The following LONP1 variants were observed in gnomAD, a reference collection of about 807,000 sequenced individuals.
LONP1 encodes lon peptidase 1, mitochondrial.
In LONP1, 31 loss-of-function variants were observed where a neutral mutation model predicts 98.5. The observed-to-expected ratio is 0.31, with a 90% CI of 0.24 to 0.42. LONP1 has a LOEUF of 0.42. LONP1 is among the 20% of genes least tolerant of loss of function. LONP1 has a pLI of 1.00. For synonymous variants in LONP1, 781 were observed against 594.7 expected (o/e 1.31, Z -4.56); for missense variants, 1,336 against 1,350.6 (o/e 0.99, Z 0.17).
Position 5,694,715 on chromosome 19 carries a change from T to C in LONP1, c.2154+46A>G, listed in dbSNP as rs370868054. ...GAAAGGTGGGGTGATCAGCGTGGGA[T>C]GGTGAGGTGGGCGGCAGGTGCCAGG... is the stretch of plus-strand genomic sequence containing the variant. On this transcript the variant is annotated intron_variant, in intron 14 of 17. Transcript: ENST00000360614. 16 of 1,573,128 alleles carry C rather than the reference T, an allele frequency of 1.0e-5. No individual in the cohort carries two copies. The African/African-American group carries it at 1.8e-4, about 17-fold the overall frequency.
intron 15 of LONP1, 76 bp downstream of exon 15, chr19:5,694,311 T>C: frequency 6.4e-7 from 1 of 1,571,410 alleles, no homozygotes; most frequent in Admixed American, 1.7e-5. Flanking sequence ...ACTGCACAGG[T>C]GTACAAGGTG....
chr19:5,694,128 T>G (rs1318539719), intron 15 of LONP1, among the ~76,000 whole-genome samples: 2 of 152,152 alleles, frequency 1.3e-5, no homozygotes, highest in Non-Finnish European at 2.9e-5. Flanking sequence ...CCAAGGCCCA[T>G]CTGGATGAGC....
intron 7 of LONP1, 30 bp from the exon 8 acceptor site, chr19:5,706,022 T>C (rs769624080): frequency 6.9e-7 from 1 of 1,452,444 alleles, no homozygotes; most frequent in Middle Eastern, 1.8e-4. Context: ...CATCAGGCCC[T>C]GGCTCCGGGA....
chr19:5,698,269 G>T (rs549185279), intron 10 of LONP1, among the ~76,000 whole-genome samples: 50 of 152,300 alleles, frequency 3.3e-4, no homozygotes, highest in African/African-American at 1.1e-3. Flanking sequence ...AGCTGGGGAT[G>T]TTTTTAGAGA....
chr19:5,716,064 C>T (rs935438677), intron 1 of LONP1, among the ~76,000 whole-genome samples: 4 of 150,906 alleles, frequency 2.7e-5, no homozygotes, highest in Non-Finnish European at 4.4e-5. Context: ...CTGGACAGAC[C>T]CTGATTAAAG....
rs2055146960 is a variant in LONP1 at position 5,706,464 on chromosome 19, C to T, written c.1147-472G>A. On this transcript the variant is annotated intron_variant, in intron 7 of 17. Coordinates refer to ENST00000360614, the MANE Select transcript of LONP1 (RefSeq NM_004793.4). Reference sequence around the variant, plus strand: ...TCTCTACTAAAATACAAAAATTAGCCGGTGTGGTATTGCACGCCTGTAATC... The same window carrying T: ...TCTCTACTAAAATACAAAAATTAGCTGGTGTGGTATTGCACGCCTGTAATC... Among the ~76,000 whole-genome samples the T allele has an allele frequency of 3.9e-5, 6 of 151,976 alleles. No individual in the cohort carries two copies. The South Asian group carries it at 1.0e-3, about 26-fold the overall frequency.
At chr19:5,696,842 A>C in intron 10 of LONP1, 85 bp from the exon 11 acceptor site, 1 of 852,804 alleles carries the variant, frequency 1.2e-6, no homozygotes, top group Non-Finnish European at 1.9e-6. Context: ...GCCACAGGGG[A>C]GAGGCCACCT....
At chr19:5,708,317 G>A (rs1311931649) in intron 5 of LONP1, 25 bp downstream of exon 5, 2 of 1,590,416 alleles carry the variant, frequency 1.3e-6, no homozygotes, top group African/African-American at 1.4e-5. Context: ...CCCCCGCCTG[G>A]CCAGCTGCCC....
intron 10 of LONP1, among the ~76,000 whole-genome samples, chr19:5,697,864 A>AACCCCGCC (rs1232352721): frequency 1.3e-5 from 2 of 151,860 alleles, no homozygotes; most frequent in Non-Finnish European, 2.9e-5. Context: ...GCTTGTTCAG[A>AACCCCGCC]ACCCCGCCAG....
rs754069779 is a variant in LONP1, at chr19:5,693,559, A to G, written c.2531T>C (p.Val844Ala). The G allele has an allele frequency of 1.9e-6, 3 of 1,614,054 alleles. No individual in the cohort carries two copies. The highest frequency in any genetic ancestry group is 1.7e-6 in the Non-Finnish European group (2 of 1,179,996). ...YLVTSHIHLHVPEGATPKDGP... is the reference protein window; with the variant it reads ...YLVTSHIHLHAPEGATPKDGP... ...AGCGGATGGCGCGGTCACCTCGGGC[A>G]CATGCAGGTGGATGTGTGAGGTCAC... Residue 844 changes from valine to alanine, a missense_variant, in exon 16 of 18, where the codon GTG becomes GCG. Physicochemically the swap from Val to Ala is moderately conservative, Grantham distance 64. Around this residue, in one of 5 missense-constraint regions of LONP1, gnomAD observed 555 missense variants for 542.6 expected, o/e 1.02. Coordinates refer to ENST00000360614, the MANE Select transcript of LONP1 (RefSeq NM_004793.4).
chr19:5,713,013 G>A, intron 3 of LONP1, 121 bp downstream of exon 3: 3 of 1,410,710 alleles, frequency 2.1e-6, no homozygotes, highest in Non-Finnish European at 2.0e-6. Flanking sequence ...CTCAGTGCTA[G>A]TGAGAAAGCC....
chr19:5,696,141 C>G lies in LONP1; in HGVS notation c.1926G>C (p.Thr642=). 5.0e-6 allele frequency: 8 copies of G among 1,612,916 alleles called. No individual in the cohort carries two copies. The highest frequency in any genetic ancestry group is 6.8e-6 in the Non-Finnish European group (8 of 1,179,886). The stretch of plus-strand genomic sequence containing the variant: ...CTCGCAGCGGCTCGGGGATGGTGTC[C>G]GTGACGTTGGCCGTGCAGATGAACA... ...KVLFICTANV[T]DTIPEPLRDR... The change falls in exon 13 of 18, where the codon ACG becomes ACC. Residue 642 remains threonine, a synonymous_variant. Transcript: ENST00000360614.
At chr19:5,718,263 A>T (rs1405286393) in intron 1 of LONP1, among the ~76,000 whole-genome samples, 5 of 151,920 alleles carry the variant, frequency 3.3e-5, no homozygotes, top group Non-Finnish European at 7.4e-5. Context: ...GAATCACTTG[A>T]GGTCAGGAGT....
chr19:5,694,443 C>G lies in LONP1; in HGVS notation c.2264G>C (p.Arg755Pro). Residue 755 changes from arginine (R) to proline (P), a missense_variant, in exon 15 of 18, where the codon CGC becomes CCC. Around this residue, in one of 5 missense-constraint regions of LONP1, gnomAD observed 555 missense variants for 542.6 expected, o/e 1.02. Coordinates refer to ENST00000360614, the MANE Select transcript of LONP1 (RefSeq NM_004793.4). ...GCCGGGCGGTGTCACGTCATACATG[C>G]GCTCCACGGTGAACACGGGCTTCCC... ...FVGKPVFTVE[R>P]MYDVTPPGVV... 6.2e-7 allele frequency: 1 copy of G among 1,613,512 alleles called. No homozygotes were observed. The highest frequency in any genetic ancestry group is 8.5e-7 in the Non-Finnish European group (1 of 1,180,016).
chr19:5,711,008 C>T (rs2055227715), intron 4 of LONP1, among the ~76,000 whole-genome samples: 2 of 151,366 alleles, frequency 1.3e-5, no homozygotes, highest in African/African-American at 4.9e-5. Flanking sequence ...CCTGGGTTGA[C>T]AGAGCCAGAC....
At position 5,696,083 on chromosome 19, in the gene LONP1, C is replaced by T. The variant is rs201498076; in HGVS notation, c.1984G>A (p.Val662Met). 13 of 1,612,818 alleles carry T rather than the reference C, an allele frequency of 8.1e-6. No homozygotes were observed. The East Asian group carries it at 1.1e-4, about 14-fold the overall frequency. The change falls in exon 13 of 18, where the codon GTG becomes ATG. Residue 662 changes from valine to methionine, a missense_variant. Coordinates refer to ENST00000360614, the MANE Select transcript of LONP1 (RefSeq NM_004793.4). ...RMEMINVSGY[V>M]AQEKLAIAER... Reference sequence around the variant, plus strand: ...GCAATGGCCAGCTTCTCCTGGGCCACGTAGCCCGACACGTTGATCATCTCC... The same window carrying T: ...GCAATGGCCAGCTTCTCCTGGGCCATGTAGCCCGACACGTTGATCATCTCC...
upstream of LONP1, chr19:5,720,332 G>T (rs1022040352): frequency 1.9e-5 from 15 of 777,558 alleles, no homozygotes; most frequent in Non-Finnish European, 2.1e-5. Flanking sequence ...CCCACTTTAT[G>T]CGCTGAAGGC....
chr19:5,708,454 G>A, intron 4 of LONP1, 51 bp from the exon 5 acceptor site: 1 of 1,288,636 alleles, frequency 7.8e-7, no homozygotes, highest in Non-Finnish European at 1.1e-6. Flanking sequence ...TCCAGCAGGG[G>A]GTGGGCTGGG....
At chr19:5,715,333 C>CTTTT (rs554066832) in intron 1 of LONP1, among the ~76,000 whole-genome samples, 1 of 138,230 alleles carries the variant, frequency 7.2e-6, no homozygotes, top group Non-Finnish European at 1.6e-5. Context: ...TGATAACTTC[C>CTTTT]TTTTTTTTTT....
Sources: allele counts gnomAD v4.1 joint callset (sites outside exome capture counted in the v4.1 genomes callset), GRCh38; gene constraint gnomAD v4.1.1; regional missense constraint gnomAD v4.1.1; transcripts MANE v1.5; gene names NCBI Gene and HGNC (gene_info 2026-07-23, HGNC 2026-07-21).